The following COL9A3 variants were observed in gnomAD, a reference collection of about 807,000 sequenced individuals.
The protein encoded by COL9A3 is collagen type IX alpha 3 chain.
In COL9A3, 82 loss-of-function variants were observed where a neutral mutation model predicts 110.2. The observed-to-expected ratio is 0.74, with a 90% CI of 0.62 to 0.89. The LOEUF (loss-of-function observed/expected upper bound fraction) is 0.89. Among genes scored for constraint, COL9A3 ranks in the 40% least tolerant of loss-of-function variants. The probability of loss-of-function intolerance (pLI) is 0.00; values close to 1 mark genes in which losing one functional copy is unlikely to be tolerated. For missense variants in COL9A3, 1,066 were observed against 981.3 expected (o/e 1.09, Z -1.15); for synonymous variants, 494 against 403.8 (o/e 1.22, Z -2.68).
chr20:62,833,061 A>G lies in COL9A3; in HGVS notation c.1365A>G (p.Glu455=). 1 of 1,613,110 alleles carries G rather than the reference A, an allele frequency of 6.2e-7. No homozygotes were observed. The highest frequency in any genetic ancestry group is 8.5e-7 in the Non-Finnish European group (1 of 1,179,172). Residue 455 remains glutamate, a synonymous_variant, in exon 26 of 32, where the codon GAA becomes GAG. Coordinates refer to ENST00000649368, the MANE Select transcript of COL9A3 (RefSeq NM_001853.4). The stretch of plus-strand genomic sequence containing the variant: ...ACGGTCTTCCTGGGGATAAAGGAGA[A>G]CTGGTGAGTAATTAGGTAACCTCAC... ...GSDGLPGDKG[E]LGPSGLVGPK...
Position 62,825,465 on chromosome 20 carries a change from C to T in COL9A3, c.631-352C>T, listed in dbSNP as rs1039220604. On this transcript the variant is annotated intron_variant, in intron 12 of 31. Coordinates refer to ENST00000649368, the MANE Select transcript of COL9A3 (RefSeq NM_001853.4). ...GTGTCTGTCCATGGTCACCTGCAGG[C>T]CGGGGGACCAGGTCTGGGATGCCCT... 21 of 399,932 alleles carry T rather than the reference C, an allele frequency of 5.3e-5. No individual in the cohort carries two copies. The East Asian group carries it at 9.9e-4, about 19-fold the overall frequency. 24.8% of individuals were successfully genotyped at this position (399,932 alleles called of 1,614,324 possible).
intron 31 of COL9A3, among the ~76,000 whole-genome samples, 194 bp from the exon 32 acceptor site, chr20:62,840,348 C>A (rs574391477): frequency 6.6e-6 from 1 of 152,056 alleles, no homozygotes; most frequent in Non-Finnish European, 1.5e-5. Context: ...GCCTGGCCTT[C>A]CCCGGACACT....
At chr20:62,819,847 G>A (rs1352767120) in intron 4 of COL9A3, 82 bp from the exon 5 acceptor site, 7 of 1,495,958 alleles carry the variant, frequency 4.7e-6, no homozygotes, top group Non-Finnish European at 9.3e-7. Flanking sequence ...ACCAAGGGAA[G>A]GGTCCGTGCT....
chr20:62,824,585 G>A (rs925678632), intron 11 of COL9A3, 84 bp downstream of exon 11: 204 of 1,407,896 alleles, frequency 1.4e-4, no homozygotes, highest in African/African-American at 2.8e-4. Context: ...TGGAGGTGGC[G>A]GGTCCAGAAA....
rs773435788 is a variant in COL9A3, at chr20:62,817,605, G to A, written c.117G>A (p.Pro39=). The A allele has an allele frequency of 1.3e-6, 2 of 1,546,264 alleles. No homozygotes were observed. The highest frequency in any genetic ancestry group is 2.5e-5 in the East Asian group (1 of 40,766). The part of the protein sequence containing the change: ...GLPGPPGPPG[P]PGKPGQDGID... ...CCGGCCCCCCCGGCCCCCCAGGGCC[G>A]CCCGGGAAGCCCGGCCAGGACGGCA... Residue 39 remains proline, a synonymous_variant, in exon 2 of 32, where the codon CCG becomes CCA. Coordinates refer to ENST00000649368, the MANE Select transcript of COL9A3 (RefSeq NM_001853.4).
intron 30 of COL9A3, 145 bp from the exon 31 acceptor site, chr20:62,838,539 C>T (rs569877916): frequency 2.1e-4 from 168 of 797,534 alleles, no homozygotes; most frequent in Non-Finnish European, 3.3e-4. Flanking sequence ...TCAAGCCCTA[C>T]GCGTGTGACA....
At chr20:62,839,139 C>A (rs140022236) in intron 31 of COL9A3, among the ~76,000 whole-genome samples, 1 of 151,892 alleles carries the variant, frequency 6.6e-6, no homozygotes, top group Non-Finnish European at 1.5e-5. Flanking sequence ...ACAAGAGAAT[C>A]GCTTGAACCC....
chr20:62,829,621 T>G lies in COL9A3; in HGVS notation c.1054-7T>G. 6.2e-7 allele frequency: 1 copy of G among 1,610,094 alleles called. No homozygotes were observed. Among genetic ancestry groups the G allele is most frequent in the East Asian group, 2.2e-5 (1 of 44,792 alleles). ...GGCAGGCACTCACAGCTCTCCTTCC[T>G]CTACAGGGCAGAGCTGGGGAGCTGG... On this transcript the variant is annotated splice_polypyrimidine_tract_variant and splice_region_variant and intron_variant, in intron 20 of 31. Transcript: ENST00000649368.
intron 2 of COL9A3, 99 bp from the exon 3 acceptor site, chr20:62,818,419 T>C: frequency 1.7e-6 from 2 of 1,186,720 alleles, no homozygotes; most frequent in East Asian, 4.7e-5. Context: ...GCTGGGCCTC[T>C]GGGGCTGATT....
intron 2 of COL9A3, among the ~76,000 whole-genome samples, chr20:62,818,271 CCTGCCCAG>C (rs1991002454): frequency 6.6e-6 from 1 of 152,208 alleles, no homozygotes; most frequent in Non-Finnish European, 1.5e-5. Flanking sequence ...CCTCTGCCCC[CCTGCCCAG>C]CTCGGCCTCA....
intron 10 of COL9A3, among the ~76,000 whole-genome samples, chr20:62,823,639 G>A (rs1319273977): frequency 6.6e-6 from 1 of 152,248 alleles, no homozygotes; most frequent in Non-Finnish European, 1.5e-5. Flanking sequence ...AGGGGCTGAA[G>A]ATACGGGTCT....
chr20:62,819,924 C>A lies in COL9A3; in HGVS notation c.256-5C>A. The A allele has an allele frequency of 1.2e-6, 2 of 1,612,928 alleles. No homozygotes were observed. Among genetic ancestry groups the A allele is most frequent in the Non-Finnish European group, 1.7e-6 (2 of 1,180,002 alleles). On this transcript the variant is annotated splice_region_variant and splice_polypyrimidine_tract_variant and intron_variant, in intron 4 of 31. Coordinates refer to ENST00000649368, the MANE Select transcript of COL9A3 (RefSeq NM_001853.4). The stretch of plus-strand genomic sequence containing the variant: ...CCCTCGAGCTCGCCCTCTGCCTCTC[C>A]CCAGGGTCTGACTGGACGAGATGGA...
chr20:62,821,623 GC>G, intron 7 of COL9A3, 93 bp downstream of exon 7: 1 of 1,581,474 alleles, frequency 6.3e-7, no homozygotes, highest in Non-Finnish European at 8.7e-7. Context: ...TGGGGGTGGG[GC>G]TTCTCAGGGG....
At chr20:62,824,708 C>G (rs1261707353) in intron 11 of COL9A3, among the ~76,000 whole-genome samples, 2 of 152,218 alleles carry the variant, frequency 1.3e-5, no homozygotes, top group Non-Finnish European at 2.9e-5. Flanking sequence ...TGGCCATAGG[C>G]GTCAGAGACT....
At chr20:62,825,985 A>G in intron 13 of COL9A3, 115 bp downstream of exon 13, 1 of 1,255,964 alleles carries the variant, frequency 8.0e-7, no homozygotes, top group Non-Finnish European at 1.1e-6. Flanking sequence ...TGTTTGGCCA[A>G]CACCCAGGCA....
intron 1 of COL9A3, 151 bp from the exon 2 acceptor site, chr20:62,817,416 G>C: frequency 1.7e-6 from 1 of 602,144 alleles, no homozygotes; most frequent in Non-Finnish European, 2.8e-6. Flanking sequence ...ACACTGCGCG[G>C]GGGCGCCGGG....
rs778391669 is a variant in COL9A3, at chr20:62,828,941, G to A, written c.973G>A (p.Gly325Ser). ...DGQKGEAGRN[G>S]APGEKGPNGL... ...CTCACAGGGAGAGGCTGGTCGCAAC[G>A]GTGCTCCGGGAGAGAAGGGCCCCAA... The change falls in exon 19 of 32, where the codon GGT becomes AGT. Residue 325 changes from glycine to serine, a missense_variant. Transcript: ENST00000649368. 17 of 1,611,166 alleles carry A rather than the reference G, an allele frequency of 1.1e-5. No individual in the cohort carries two copies. The African/African-American group carries it at 1.2e-4, about 11-fold the overall frequency.
Position 62,835,928 on chromosome 20 carries a change from G to A in COL9A3, c.1376G>A (p.Ser459Asn). 6.2e-7 allele frequency: 1 copy of A among 1,614,192 alleles called. No homozygotes were observed. Among genetic ancestry groups the A allele is most frequent in the Non-Finnish European group, 8.5e-7 (1 of 1,180,034 alleles). ...LPGDKGELGP[S>N]GLVGPKGESG... ...CAACTTTTCTCTTCACAGGGTCCCA[G>A]CGGCCTGGTCGGACCCAAAGGAGAG... Residue 459 changes from serine (S) to asparagine (N), a missense_variant, in exon 27 of 32, where the codon AGC becomes AAC. By Grantham distance (46) the Ser-to-Asn change is conservative (BLOSUM62 1). Transcript: ENST00000649368.
At position 62,837,236 on chromosome 20, in the gene COL9A3, C is replaced by T. The variant is rs776983973; in HGVS notation, c.1757C>T (p.Thr586Ile). ...ARGPPGYRGPTGELGDPGPRG... is the reference protein window; with the variant it reads ...ARGPPGYRGPIGELGDPGPRG... ...GGACCCCCTGGATACCGCGGTCCCA[C>T]TGGGGAGCTGGGAGACCCCGGGCCC... Residue 586 changes from threonine to isoleucine, a missense_variant, in exon 30 of 32, where the codon ACT (threonine) becomes ATT (isoleucine). Physicochemically the swap from Thr to Ile is moderately conservative, Grantham distance 89. Coordinates refer to ENST00000649368, the MANE Select transcript of COL9A3 (RefSeq NM_001853.4). 5 of 1,611,482 alleles carry T rather than the reference C, an allele frequency of 3.1e-6. No individual in the cohort carries two copies. The highest frequency in any genetic ancestry group is 4.2e-6 in the Non-Finnish European group (5 of 1,179,778).
Sources: gnomAD v4.1 joint callset for allele counts (sites outside exome capture counted in the v4.1 genomes callset) on GRCh38, gnomAD v4.1.1 for gene constraint, MANE v1.5 for transcripts, NCBI Gene and HGNC (gene_info 2026-07-23, HGNC 2026-07-21) for gene names.